TBL1X: variants seen among roughly 807,000 people sequenced by gnomAD.
TBL1X encodes the protein F-box-like/WD repeat-containing protein TBL1X.
In TBL1X, 10 loss-of-function variants were observed where a neutral mutation model predicts 50.7. That is an observed-to-expected ratio of 0.20 (90% CI 0.12 to 0.33). TBL1X has a LOEUF of 0.33. Ranked by LOEUF, TBL1X falls within the 10% of genes least tolerant of loss-of-function variation. The pLI is 1.00. For missense variants in TBL1X, 340 were observed against 504.4 expected, an observed-to-expected ratio of 0.67 and a Z score of 3.12; for synonymous variants, 190 against 214.7, an observed-to-expected ratio of 0.88 and a Z score of 1.01.
chrX:9,607,093 G>A (rs192160786), intron 2 of TBL1X, among the ~76,000 whole-genome samples: 13 of 112,287 alleles, frequency 1.2e-4, no homozygotes, highest in Admixed American at 7.5e-4. Flanking sequence ...CACCAAGATC[G>A]TCTGTCCACT....
At chrX:9,486,590 C>CA (rs1491285548) in intron 1 of TBL1X, among the ~76,000 whole-genome samples, 9 of 63,815 alleles carry the variant, frequency 1.4e-4, no homozygotes, top group Non-Finnish European at 1.9e-4. Flanking sequence ...AGAACACACA[C>CA]CCCCCCCCCA....
At chrX:9,583,212 C>T (rs2082451328) in intron 2 of TBL1X, among the ~76,000 whole-genome samples, 1 of 112,420 alleles carries the variant, frequency 8.9e-6, no homozygotes, top group Non-Finnish European at 1.9e-5. Context: ...GGTTCTGGTG[C>T]CTGCAGGTGC....
chrX:9,626,696 C>T (rs766401174), intron 2 of TBL1X, among the ~76,000 whole-genome samples: 1 of 112,631 alleles, frequency 8.9e-6, no homozygotes, highest in South Asian at 3.6e-4. Flanking sequence ...AGCATCATTG[C>T]TATTCAGGCA....
chrX:9,695,368 A>G, intron 11 of TBL1X, among the ~76,000 whole-genome samples: 1 of 112,661 alleles, frequency 8.9e-6, no homozygotes, highest in Non-Finnish European at 1.9e-5. Context: ...TTTCAGACTT[A>G]GTAGCCTGGT....
Position 9,717,491 on chromosome X carries a change from G to T in TBL1X, c.*1245G>T, listed in dbSNP as rs779773428. The T allele has an allele frequency of 8.9e-6, 1 of 112,275 alleles. No individual in the cohort carries two copies. Among genetic ancestry groups the T allele is most frequent in the East Asian group, 2.8e-4 (1 of 3,545 alleles). 9.3% of individuals were successfully genotyped at this position (112,275 alleles called of 1,213,427 possible). ...TCTGCAGCCAGTGAGGGAGGTCCCCGCCATGCCGGCTGGAAGAAGAACCTC... is the reference window on the plus strand; with the variant it reads ...TCTGCAGCCAGTGAGGGAGGTCCCCTCCATGCCGGCTGGAAGAAGAACCTC... On this transcript the variant is annotated 3_prime_UTR_variant, in exon 18 of 18. Transcript: ENST00000645353.
intron 13 of TBL1X, among the ~76,000 whole-genome samples, chrX:9,705,546 G>A (rs775133377): frequency 1.8e-5 from 2 of 110,418 alleles, no homozygotes; most frequent in Non-Finnish European, 3.8e-5. Context: ...CTTGAGGCCA[G>A]GAGTTTGAGG....
At chrX:9,580,511 C>T (rs1043302261) in intron 2 of TBL1X, among the ~76,000 whole-genome samples, 5 of 111,784 alleles carry the variant, frequency 4.5e-5, no homozygotes, top group Admixed American at 1.9e-4. Flanking sequence ...AGAGGCCTGT[C>T]GTTGAATAGA....
chrX:9,565,271 C>CA (rs757679440), intron 2 of TBL1X, among the ~76,000 whole-genome samples: 404 of 37,292 alleles, frequency 0.011, 8 homozygotes, highest in Non-Finnish European at 0.014. Context: ...GACTCCGTCT[C>CA]AAAAAAAAAA....
At chrX:9,492,874 T>G (rs1569206087) in intron 1 of TBL1X, among the ~76,000 whole-genome samples, 1 of 48,714 alleles carries the variant, frequency 2.1e-5, no homozygotes, top group African/African-American at 8.3e-5. Flanking sequence ...TGTGTGTGTG[T>G]GTGTGTGTGT....
chrX:9,519,407 G>A (rs945896368), intron 2 of TBL1X, among the ~76,000 whole-genome samples: 2 of 110,821 alleles, frequency 1.8e-5, no homozygotes, highest in Admixed American at 1.9e-4. Context: ...CACTGGGCCC[G>A]GCCTACTTGT....
In TBL1X at chrX:9,509,738, G is replaced by A. The variant is rs148835003; in HGVS notation, c.-131+7889G>A. On this transcript the variant is annotated intron_variant, in intron 2 of 17. Transcript: ENST00000645353. ...TGGGCTCACGCGATCAGCCCACCTC[G>A]GCCTTTCAAAATGCTAGGTTTACAG... Among the ~76,000 whole-genome samples, 414 of 110,064 alleles carry A rather than the reference G, an allele frequency of 3.8e-3. 1 individual carries two copies. Among genetic ancestry groups the A allele is most frequent in the Middle Eastern group, 0.014 (3 of 218 alleles).
intron 2 of TBL1X, among the ~76,000 whole-genome samples, chrX:9,537,984 C>G (rs12851048): frequency 9.9e-5 from 11 of 111,194 alleles, no homozygotes; most frequent in African/African-American, 3.6e-4. Context: ...AATGGTGTGG[C>G]GGGAAGTGAG....
chrX:9,596,889 G>C (rs890434345), intron 2 of TBL1X, among the ~76,000 whole-genome samples: 1 of 111,045 alleles, frequency 9.0e-6, no homozygotes, highest in African/African-American at 3.3e-5. Context: ...TTTCTAGGTC[G>C]TGCTGCTTTA....
rs2082848059 is a variant in TBL1X at position 9,653,572 on chromosome X, G to A, written c.-15G>A. The A allele has an allele frequency of 1.7e-6, 2 of 1,161,974 alleles. No homozygotes were observed. Among genetic ancestry groups the A allele is most frequent in the Non-Finnish European group, 2.3e-6 (2 of 869,526 alleles). ...GCCCTGGCCTCCTTGCAGAAACATCGAGGTGACATGTAGCATGACCGAGCT... is the reference window on the plus strand; with the variant it reads ...GCCCTGGCCTCCTTGCAGAAACATCAAGGTGACATGTAGCATGACCGAGCT... On this transcript the variant is annotated 5_prime_UTR_variant, in exon 4 of 18. Coordinates refer to ENST00000645353, the MANE Select transcript of TBL1X (RefSeq NM_005647.4).
At chrX:9,568,937 CTGCACGG>C (rs1183686527) in intron 2 of TBL1X, among the ~76,000 whole-genome samples, 3 of 106,301 alleles carry the variant, frequency 2.8e-5, no homozygotes, top group Non-Finnish European at 1.9e-5. Context: ...TTGTGTCTCT[CTGCACGG>C]TGCACTGTGT....
At chrX:9,474,239 G>A (rs845441) in intron 1 of TBL1X, among the ~76,000 whole-genome samples, 57,550 of 111,606 alleles carry the variant, frequency 0.52, 11,329 homozygotes, top group Middle Eastern at 0.65. Context: ...ACATGAGTTA[G>A]GAGCACCTTC....
intron 9 of TBL1X, among the ~76,000 whole-genome samples, chrX:9,692,771 T>C (rs1490853145): frequency 4.4e-5 from 5 of 112,602 alleles, no homozygotes; most frequent in African/African-American, 1.6e-4. Flanking sequence ...GTGTATTCAG[T>C]AGCCGTATCT....
chrX:9,672,011 CATT>C (rs2082963034), intron 5 of TBL1X, among the ~76,000 whole-genome samples: 1 of 112,243 alleles, frequency 8.9e-6, no homozygotes, highest in South Asian at 3.7e-4. Context: ...TTCTTATGCT[CATT>C]AATTTGTTAC....
In TBL1X at chrX:9,688,196, A is replaced by T. The variant is rs1463204019; in HGVS notation, c.537A>T (p.Ser179=). 1.7e-6 allele frequency: 2 copies of T among 1,196,813 alleles called. No individual in the cohort carries two copies. The highest frequency in any genetic ancestry group is 2.3e-6 in the Non-Finnish European group (2 of 888,458). Residue 179 remains serine, a synonymous_variant, in exon 7 of 18, where the codon TCA becomes TCT. Transcript: ENST00000645353. ...CAGCGACAGCAGCCACCACGACCTC[A>T]GCCGGCGTTTCCCACCAAAATCCAT... The part of the protein sequence containing the change: ...TAAATAATTT[S]AGVSHQNPSK...
Sources: gnomAD v4.1 joint callset for allele counts (sites outside exome capture counted in the v4.1 genomes callset) on GRCh38, gnomAD v4.1.1 for gene constraint, MANE v1.5 for transcripts, NCBI Gene and HGNC (gene_info 2026-07-23, HGNC 2026-07-21) for gene names.